The following FRMPD4 variants were observed in gnomAD, a reference collection of about 807,000 sequenced individuals.
FRMPD4 encodes FERM and PDZ domain-containing protein 4.
A neutral mutation model predicts 94.1 loss-of-function variants in FRMPD4; 22 were observed. The observed-to-expected ratio is 0.23, with a 90% CI of 0.17 to 0.33. FRMPD4 has a LOEUF of 0.33. Ranked by LOEUF, FRMPD4 falls within the 10% of genes least tolerant of loss-of-function variation. The pLI, the probability that FRMPD4 is intolerant of heterozygous loss-of-function variation, is 1.00. For synonymous variants in FRMPD4, 631 were observed against 548.6 expected (o/e 1.15, Z -2.10); for missense variants, 1,111 against 1,339.9 (o/e 0.83, Z 2.67).
At chrX:11,844,170 T>A (rs1918242) in intron 1 of FRMPD4, among the ~76,000 whole-genome samples, 2 of 100,592 alleles carry the variant, frequency 2.0e-5, no homozygotes, top group Non-Finnish European at 4.0e-5. Flanking sequence ...TTTTTTTTTG[T>A]ATTTTTACTG....
At position 11,933,290 on chromosome X, in the gene FRMPD4, T is replaced by C. The variant is rs763102524; in HGVS notation, c.95+55272T>C. On this transcript the variant is annotated intron_variant, in intron 3 of 18. Coordinates refer to the FRMPD4 transcript ENST00000640291. ...AAAGATTTCTCACCATTGGTATTTATTGTTTCACACTAACCATGCCTTTGC... is the reference window on the plus strand; with the variant it reads ...AAAGATTTCTCACCATTGGTATTTACTGTTTCACACTAACCATGCCTTTGC... Among the ~76,000 whole-genome samples the C allele has an allele frequency of 1.2e-4, 14 of 112,299 alleles. No homozygotes were observed. The South Asian group carries it at 3.7e-3, about 29-fold the overall frequency.
At chrX:12,472,744 G>A (rs767306818) in intron 1 of FRMPD4, among the ~76,000 whole-genome samples, 4 of 110,703 alleles carry the variant, frequency 3.6e-5, no homozygotes, top group African/African-American at 1.3e-4. Flanking sequence ...GAAATGAAGC[G>A]AGAAGAGAAG....
At chrX:11,861,379 A>G (rs939459535) in intron 1 of FRMPD4, among the ~76,000 whole-genome samples, 3 of 109,146 alleles carry the variant, frequency 2.7e-5, no homozygotes, top group Admixed American at 2.0e-4. Flanking sequence ...CTTGAATGTT[A>G]GGATCAATAG....
chrX:12,520,910 T>C (rs1470136854), intron 2 of FRMPD4, among the ~76,000 whole-genome samples: 1 of 111,877 alleles, frequency 8.9e-6, no homozygotes, highest in Non-Finnish European at 1.9e-5. Flanking sequence ...GGTTTTCTAA[T>C]GGGACCAGGA....
chrX:11,905,587 G>C (rs949353490), intron 3 of FRMPD4, among the ~76,000 whole-genome samples: 4 of 111,474 alleles, frequency 3.6e-5, no homozygotes, highest in African/African-American at 1.3e-4. Flanking sequence ...CTATTAGAAA[G>C]AGCCCTCAGT....
At chrX:12,431,132 G>A (rs554251545) in intron 1 of FRMPD4, among the ~76,000 whole-genome samples, 2 of 112,669 alleles carry the variant, frequency 1.8e-5, no homozygotes, top group African/African-American at 6.4e-5. Flanking sequence ...CCCACTATGC[G>A]TCAAGCAATT....
chrX:12,598,067 T>C (rs2059049377), intron 2 of FRMPD4, among the ~76,000 whole-genome samples: 1 of 110,404 alleles, frequency 9.1e-6, no homozygotes, highest in Middle Eastern at 4.7e-3. Flanking sequence ...TATTAGTTGG[T>C]ATATTATAAA....
chrX:12,478,562 G>T (rs1220371319), intron 1 of FRMPD4, among the ~76,000 whole-genome samples: 1 of 111,946 alleles, frequency 8.9e-6, no homozygotes. Context: ...CAGCCTTAGT[G>T]ACAGAGCGAG....
intron 1 of FRMPD4, among the ~76,000 whole-genome samples, chrX:12,242,072 T>C (rs1450465736): frequency 2.7e-5 from 3 of 111,638 alleles, no homozygotes; most frequent in Admixed American, 9.5e-5. Flanking sequence ...CTCTAAACTT[T>C]CCAGTAGGTC....
chrX:12,355,009 T>C (rs1246250648), intron 1 of FRMPD4, among the ~76,000 whole-genome samples: 1 of 112,159 alleles, frequency 8.9e-6, no homozygotes, highest in Non-Finnish European at 1.9e-5. Context: ...TCTACATAAA[T>C]GAAAAAGCCA....
At chrX:12,666,539 T>A (rs1228619458) in intron 4 of FRMPD4, among the ~76,000 whole-genome samples, 1 of 111,615 alleles carries the variant, frequency 9.0e-6, no homozygotes, top group African/African-American at 3.3e-5. Flanking sequence ...AGTAAAACAC[T>A]CCTAAGCAAA....
At chrX:12,370,035 T>C (rs1020605469) in intron 1 of FRMPD4, among the ~76,000 whole-genome samples, 1 of 112,555 alleles carries the variant, frequency 8.9e-6, no homozygotes, top group Admixed American at 9.4e-5. Flanking sequence ...GTGAGCTTTC[T>C]AGTGTTGAGC....
intron 1 of FRMPD4, among the ~76,000 whole-genome samples, chrX:12,281,978 A>T (rs1181860619): frequency 1.8e-5 from 2 of 111,635 alleles, no homozygotes; most frequent in African/African-American, 6.5e-5. Flanking sequence ...GTATCTGCAA[A>T]TTCTGAAGTT....
intron 1 of FRMPD4, among the ~76,000 whole-genome samples, chrX:12,231,048 A>ATAT (rs1387528584): frequency 3.1e-5 from 1 of 31,840 alleles, no homozygotes; most frequent in African/African-American, 1.0e-4. Context: ...ATATATATAT[A>ATAT]AAATATATAT....
intron 3 of FRMPD4, among the ~76,000 whole-genome samples, chrX:11,922,096 G>A (rs1256624224): frequency 1.8e-5 from 2 of 111,724 alleles, no homozygotes; most frequent in Non-Finnish European, 3.8e-5. Context: ...TAAATGCAGG[G>A]TGTATTAGGC....
At chrX:11,986,386 G>A (rs1373526121) in intron 3 of FRMPD4, among the ~76,000 whole-genome samples, 1 of 111,875 alleles carries the variant, frequency 8.9e-6, no homozygotes, top group African/African-American at 3.2e-5. Flanking sequence ...AATGATAATG[G>A]AAACACAACA....
chrX:12,009,330 G>A (rs749800317), intron 3 of FRMPD4, among the ~76,000 whole-genome samples: 1 of 112,266 alleles, frequency 8.9e-6, no homozygotes, highest in African/African-American at 3.2e-5. Flanking sequence ...TTTTAGAAAA[G>A]CGGTTATTTT....
intron 3 of FRMPD4, among the ~76,000 whole-genome samples, chrX:11,905,465 T>G (rs973500325): frequency 1.8e-5 from 2 of 111,904 alleles, no homozygotes; most frequent in African/African-American, 3.3e-5. Context: ...ATTGTTCATG[T>G]CATTGTTAAT....
At chrX:12,496,496 T>C (rs2057850889) in intron 1 of FRMPD4, among the ~76,000 whole-genome samples, 1 of 111,649 alleles carries the variant, frequency 9.0e-6, no homozygotes, top group Admixed American at 9.5e-5. Context: ...AACCCTGGAT[T>C]ATGCCTGCCT....
Sources: allele counts gnomAD v4.1 joint callset (sites outside exome capture counted in the v4.1 genomes callset), GRCh38; gene constraint gnomAD v4.1.1; transcripts MANE v1.5; gene names NCBI Gene and HGNC (gene_info 2026-07-23, HGNC 2026-07-21).